The following SRCIN1 variants were observed in gnomAD, a reference collection of about 807,000 sequenced individuals.
The protein encoded by SRCIN1 is P130Cas-associated protein.
In SRCIN1, 50 loss-of-function variants were observed where a neutral mutation model predicts 116.2. That is an observed-to-expected ratio of 0.43 (90% confidence interval 0.34 to 0.54). The LOEUF (loss-of-function observed/expected upper bound fraction) is 0.54, where lower values mean the gene tolerates loss of function less well. Ranked by LOEUF, SRCIN1 falls within the 20% of genes least tolerant of loss-of-function variation. The probability of loss-of-function intolerance (pLI) is 0.02; values close to 1 mark genes in which losing one functional copy is unlikely to be tolerated. For missense variants in SRCIN1, 1,446 were observed against 1,672.0 expected, an observed-to-expected ratio of 0.86 and a Z score of 2.36; for synonymous variants, 736 against 750.0, an observed-to-expected ratio of 0.98 and a Z score of 0.30.
chr17:38,599,613 ACCTCGATT>A (rs1330009723), intron 1 of SRCIN1, among the ~76,000 whole-genome samples: 2 of 152,092 alleles, frequency 1.3e-5, no homozygotes, highest in African/African-American at 4.8e-5. Flanking sequence ...TTCCTATCTA[ACCTCGATT>A]CCTCCTACTA....
chr17:38,567,669 G>A (rs1174873374), intron 3 of SRCIN1, among the ~76,000 whole-genome samples: 2 of 152,122 alleles, frequency 1.3e-5, no homozygotes, highest in African/African-American at 4.8e-5. Flanking sequence ...AGCTCAGGAG[G>A]AGGCAAGAAG....
chr17:38,595,269 G>C (rs188213556), intron 1 of SRCIN1, among the ~76,000 whole-genome samples: 4 of 152,048 alleles, frequency 2.6e-5, no homozygotes, highest in African/African-American at 9.7e-5. Flanking sequence ...CCAGGCTGGA[G>C]TGCGGTGGCG....
At chr17:38,579,857 AG>A (rs71352304) in intron 1 of SRCIN1, among the ~76,000 whole-genome samples, 4,719 of 152,262 alleles carry the variant, frequency 0.031, 97 homozygotes, top group Non-Finnish European at 0.046. Flanking sequence ...TGGGGGTGGA[AG>A]AAGTTGCTGG....
At chr17:38,559,859 G>A (rs980042187) in intron 9 of SRCIN1, 87 bp from the exon 10 acceptor site, 18 of 1,432,828 alleles carry the variant, frequency 1.3e-5, no homozygotes, top group Non-Finnish European at 1.6e-5. Flanking sequence ...CCTACTCTCC[G>A]ACCCCACACA....
At chr17:38,567,015 G>T (rs986964547) in intron 3 of SRCIN1, among the ~76,000 whole-genome samples, 3 of 151,778 alleles carry the variant, frequency 2.0e-5, no homozygotes, top group Non-Finnish European at 4.4e-5. Flanking sequence ...GGAGCGCAGA[G>T]GTGCAAACAT....
Position 38,552,263 on chromosome 17 carries a change from C to T in SRCIN1, c.2481-131G>A. On this transcript the variant is annotated intron_variant, in intron 13 of 18. Coordinates refer to ENST00000617146, the MANE Select transcript of SRCIN1 (RefSeq NM_025248.3). This position sits in a 1 kb window ranked among gnomAD's most constrained non-coding sequence, Gnocchi z 5.3. The stretch of plus-strand genomic sequence containing the variant: ...TGTGGGAGGGCCTGGGGAGGAGTGA[C>T]TGCCCCTGGTATAAGAGGAAGCCAG... 6.9e-7 allele frequency: 1 copy of T among 1,446,556 alleles called. No individual in the cohort carries two copies. 89.6% of individuals were successfully genotyped at this position (1,446,556 alleles called of 1,614,324 possible).
chr17:38,564,087 G>C (rs2143209239), intron 4 of SRCIN1, 31 bp downstream of exon 4: 3 of 1,575,776 alleles, frequency 1.9e-6, no homozygotes, highest in South Asian at 2.3e-5. Context: ...GAGCCTGTGT[G>C]GGGAGGGAGG....
chr17:38,600,496 ATC>A (rs1480629382), intron 1 of SRCIN1, among the ~76,000 whole-genome samples: 1 of 152,226 alleles, frequency 6.6e-6, no homozygotes, highest in African/African-American at 2.4e-5. Flanking sequence ...CTCACTGACC[ATC>A]TCTGAGGCCC....
rs752098725 is a variant in SRCIN1, at chr17:38,561,499, A to T, written c.1664T>A (p.Phe555Tyr). ...PGPGERSLVG[F>Y]GPPVPAKDTE... ...GTCCTTGGCTGGCACTGGCGGCCCG[A>T]ACCCAACCAGCGAGCGTTCCCCAGG... The change falls in exon 7 of 19, where the codon TTC becomes TAC. Residue 555 changes from phenylalanine to tyrosine, a missense_variant. Physicochemically the swap from Phe to Tyr is conservative, Grantham distance 22 (BLOSUM62 3). This residue lies in a region of SRCIN1 where 398 missense variants were observed against 385.6 expected (regional missense o/e 1.03). Transcript: ENST00000617146. 2 of 1,595,144 alleles carry T rather than the reference A, an allele frequency of 1.3e-6. No individual in the cohort carries two copies. Among genetic ancestry groups the T allele is most frequent in the Non-Finnish European group, 1.7e-6 (2 of 1,177,372 alleles).
chr17:38,563,590 G>T lies in SRCIN1; in HGVS notation c.542-69C>A, dbSNP rs748499014. On this transcript the variant is annotated intron_variant, in intron 4 of 18. Coordinates refer to ENST00000617146, the MANE Select transcript of SRCIN1 (RefSeq NM_025248.3). The surrounding 1 kb of genome is among the most constrained non-coding windows in gnomAD (Gnocchi z 5.8). ...ACGCCGCCCTCCAGGAGAGCGCGGG[G>T]AGCTTTTCGGAGCTGCGCCAGCCCC... 42 of 1,525,454 alleles carry T rather than the reference G, an allele frequency of 2.8e-5. No homozygotes were observed. In the Admixed American group the frequency reaches 3.7e-4, roughly 14 times the overall value. The allele number at this position is 1,525,454 out of a possible 1,614,324, so 94.5% of individuals were successfully genotyped here. A position where few individuals can be genotyped will look rare whatever the true frequency, so the allele number is the denominator to read the frequency against.
chr17:38,566,902 T>TTCC (rs1567869321), intron 3 of SRCIN1, among the ~76,000 whole-genome samples: 5 of 17,442 alleles, frequency 2.9e-4, no homozygotes, highest in Non-Finnish European at 6.3e-4. Flanking sequence ...TCCTTCCTTC[T>TTCC]TTCCTTCCTT....
intron 1 of SRCIN1, among the ~76,000 whole-genome samples, chr17:38,593,906 T>C (rs1185278539): frequency 6.6e-6 from 1 of 152,212 alleles, no homozygotes; most frequent in Non-Finnish European, 1.5e-5. Flanking sequence ...TTCATAGCAC[T>C]TTTCCAAAAC....
At chr17:38,574,901 G>C (rs1907314424) in intron 2 of SRCIN1, 2 of 401,010 alleles carry the variant, frequency 5.0e-6, no homozygotes, top group African/African-American at 4.1e-5. Flanking sequence ...AGCCCCGGAG[G>C]GGGCGGAGTC....
intron 1 of SRCIN1, among the ~76,000 whole-genome samples, chr17:38,592,367 C>A (rs1300092366): frequency 6.6e-6 from 1 of 152,218 alleles, no homozygotes; most frequent in African/African-American, 2.4e-5. Flanking sequence ...CCCTGCCCTG[C>A]CTCCCCAAGG....
At chr17:38,596,566 G>A (rs974088284) in intron 1 of SRCIN1, among the ~76,000 whole-genome samples, 16 of 152,066 alleles carry the variant, frequency 1.1e-4, no homozygotes, top group South Asian at 6.2e-4. Flanking sequence ...ATGATAGCCC[G>A]CCTGCCTCCT....
rs372820662 is a variant in SRCIN1 at position 38,584,481 on chromosome 17, C to A, written c.23-5690G>T. ...CTCAGCCTGCCCCGCCTGGGAAACG[C>A]GGAAGGTGAAAGTGGCCTGAGGCTG... is the stretch of plus-strand genomic sequence containing the variant. On this transcript the variant is annotated intron_variant, in intron 1 of 18. Coordinates refer to ENST00000617146, the MANE Select transcript of SRCIN1 (RefSeq NM_025248.3). Among the ~76,000 whole-genome samples, 62 of 152,346 alleles carry A rather than the reference C, an allele frequency of 4.1e-4. 1 individual carries two copies. In the East Asian group the frequency reaches 0.011, roughly 26 times the overall value.
rs181173485 is a variant in SRCIN1, at chr17:38,552,392, G to A, written c.2480+55C>T. The A allele has an allele frequency of 3.4e-4, 535 of 1,555,296 alleles. 3 individuals carry two copies. In the African/African-American group the frequency reaches 6.1e-3, roughly 18 times the overall value. ...GGGTAAGGGTTCAGTATGACCTATG[G>A]GTCTGGGCCCGGTGTGTGAACCCAT... On this transcript the variant is annotated intron_variant, in intron 13 of 18. Coordinates refer to ENST00000617146, the MANE Select transcript of SRCIN1 (RefSeq NM_025248.3). This position sits in a 1 kb window ranked among gnomAD's most constrained non-coding sequence, Gnocchi z 5.3.
At chr17:38,550,557 G>A (rs1351440529) in intron 15 of SRCIN1, among the ~76,000 whole-genome samples, 1 of 152,040 alleles carries the variant, frequency 6.6e-6, no homozygotes, top group South Asian at 2.1e-4. Flanking sequence ...AAAAGCAATG[G>A]AACAGTTCTT....
At position 38,562,359 on chromosome 17, in the gene SRCIN1, G is replaced by A; in HGVS notation, c.835-31C>T. ...CAGAAGACAGCCCGGAACCCCACGG[G>A]GCTGGTCACCAAGGACACCCCTGTC... On this transcript the variant is annotated intron_variant, in intron 6 of 18. Transcript: ENST00000617146. This position sits in a 1 kb window ranked among gnomAD's most constrained non-coding sequence, Gnocchi z 4.2. 7.1e-7 allele frequency: 1 copy of A among 1,414,364 alleles called. No individual in the cohort carries two copies. The highest frequency in any genetic ancestry group is 9.1e-7 in the Non-Finnish European group (1 of 1,093,500). 87.6% of individuals were successfully genotyped at this position (1,414,364 alleles called of 1,614,324 possible). A position where few individuals can be genotyped will look rare whatever the true frequency, so the allele number is the denominator to read the frequency against.
Sources: allele counts gnomAD v4.1 joint callset (sites outside exome capture counted in the v4.1 genomes callset), GRCh38; gene constraint gnomAD v4.1.1; regional missense constraint gnomAD v4.1.1; non-coding constraint Gnocchi (gnomAD v3.1); transcripts MANE v1.5; gene names NCBI Gene and HGNC (gene_info 2026-07-23, HGNC 2026-07-21).